The following HDAC8 variants were observed in gnomAD, a reference collection of about 807,000 sequenced individuals.
HDAC8 encodes histone deacetylase-like 1.
HDAC8 carries 1 observed loss-of-function variant against 32.2 expected under a neutral mutation model. The observed-to-expected ratio is 0.03, with a 90% CI of 0.01 to 0.15. The LOEUF is 0.15. Ranked by LOEUF, HDAC8 falls within the 10% of genes least tolerant of loss-of-function variation. The pLI, the probability that HDAC8 is intolerant of heterozygous loss-of-function variation, is 1.00. For synonymous variants in HDAC8, 108 were observed against 113.9 expected, an observed-to-expected ratio of 0.95 and a Z score of 0.33; for missense variants, 117 against 300.0, an observed-to-expected ratio of 0.39 and a Z score of 4.51.
At chrX:72,572,567 C>A in intron 1 of HDAC8, 84 bp downstream of exon 1, 1 of 657,164 alleles carries the variant, frequency 1.5e-6, no homozygotes, top group South Asian at 2.8e-5. Context: ...AGCCCAGTGT[C>A]CTCTCCGCTT....
intron 4 of HDAC8, among the ~76,000 whole-genome samples, chrX:72,515,006 C>A (rs2049741649): frequency 9.0e-6 from 1 of 111,719 alleles, no homozygotes; most frequent in Non-Finnish European, 1.9e-5. Flanking sequence ...CCACCACAAT[C>A]AAGCTAATTA....
chrX:72,500,190 C>T (rs1264518266), intron 4 of HDAC8, among the ~76,000 whole-genome samples: 1 of 111,750 alleles, frequency 8.9e-6, no homozygotes, highest in Non-Finnish European at 1.9e-5. Context: ...CAGCCAAATT[C>T]TACCAGATGT....
chrX:72,406,194 T>A (rs1487556920), intron 9 of HDAC8, among the ~76,000 whole-genome samples: 6 of 111,759 alleles, frequency 5.4e-5, no homozygotes, highest in African/African-American at 2.0e-4. Flanking sequence ...TGATTTTTCT[T>A]GGTGCTTGAG....
At chrX:72,499,136 C>T (rs1365297800) in intron 4 of HDAC8, among the ~76,000 whole-genome samples, 1 of 111,924 alleles carries the variant, frequency 8.9e-6, no homozygotes, top group Non-Finnish European at 1.9e-5. Context: ...CAGATACTGG[C>T]ACCATGCTTC....
chrX:72,461,953 G>T, intron 9 of HDAC8, 51 bp downstream of exon 9: 1 of 942,191 alleles, frequency 1.1e-6, no homozygotes, highest in South Asian at 2.0e-5. Context: ...TAGGTGGAAT[G>T]ACTCAGCTCT....
chrX:72,553,704 A>G (rs897790274), intron 4 of HDAC8, among the ~76,000 whole-genome samples: 1 of 111,831 alleles, frequency 8.9e-6, no homozygotes, highest in Non-Finnish European at 1.9e-5. Flanking sequence ...GGCCCCATGG[A>G]ACCCGCAGAT....
At chrX:72,370,830 C>T (rs1443826501) in intron 9 of HDAC8, among the ~76,000 whole-genome samples, 1 of 111,996 alleles carries the variant, frequency 8.9e-6, no homozygotes. Flanking sequence ...AGGCCAGTCT[C>T]TCCTTTCACA....
intron 9 of HDAC8, among the ~76,000 whole-genome samples, chrX:72,457,405 A>G (rs1191010405): frequency 8.9e-6 from 1 of 112,469 alleles, no homozygotes; most frequent in African/African-American, 3.2e-5. Context: ...AAGATTATAC[A>G]GAAAGAAAAT....
intron 4 of HDAC8, among the ~76,000 whole-genome samples, chrX:72,516,601 C>G (rs1556025262): frequency 9.0e-6 from 1 of 111,151 alleles, no homozygotes; most frequent in Non-Finnish European, 1.9e-5. Flanking sequence ...GCCATTTTCT[C>G]TGCTTTCAAA....
intron 2 of HDAC8, chrX:72,571,854 C>T (rs2052093150): frequency 2.7e-6 from 1 of 376,278 alleles, no homozygotes; most frequent in Non-Finnish European, 4.5e-6. Context: ...CAGGCGTGAG[C>T]CATGCTCTCG....
At chrX:72,557,043 C>T (rs2051307459) in intron 4 of HDAC8, among the ~76,000 whole-genome samples, 1 of 111,123 alleles carries the variant, frequency 9.0e-6, no homozygotes, top group Non-Finnish European at 1.9e-5. Context: ...GGTAAAACCC[C>T]GTCTCTACTA....
At chrX:72,541,457 C>T (rs952988400) in intron 4 of HDAC8, among the ~76,000 whole-genome samples, 3 of 112,264 alleles carry the variant, frequency 2.7e-5, no homozygotes, top group African/African-American at 6.5e-5. Context: ...GTAGGGACTT[C>T]GGCTTTTACT....
At chrX:72,568,660 C>A in intron 3 of HDAC8, 94 bp downstream of exon 3, 1 of 1,025,239 alleles carries the variant, frequency 9.8e-7, no homozygotes, top group Non-Finnish European at 1.4e-6. Flanking sequence ...ACAGTTAACA[C>A]ATGATTTCTT....
At chrX:72,406,011 A>G (rs538067794) in intron 9 of HDAC8, among the ~76,000 whole-genome samples, 3 of 111,874 alleles carry the variant, frequency 2.7e-5, no homozygotes, top group African/African-American at 6.5e-5. Context: ...TAATTTCTGT[A>G]TCTAAAGTCT....
At chrX:72,355,674 C>T (rs781850866) in intron 9 of HDAC8, among the ~76,000 whole-genome samples, 40 of 112,057 alleles carry the variant, frequency 3.6e-4, no homozygotes, top group South Asian at 7.6e-4. Flanking sequence ...CACCTCAATG[C>T]TCTTTTCTTG....
chrX:72,456,390 T>C (rs782707484), intron 9 of HDAC8, among the ~76,000 whole-genome samples: 2 of 111,766 alleles, frequency 1.8e-5, no homozygotes, highest in Non-Finnish European at 1.9e-5. Context: ...AATATATGAC[T>C]ACAATAGCAC....
chrX:72,451,594 T>C (rs781841763), intron 9 of HDAC8, among the ~76,000 whole-genome samples: 15 of 112,060 alleles, frequency 1.3e-4, no homozygotes, highest in Non-Finnish European at 2.8e-4. Context: ...AAGACTAATA[T>C]CCATCAGAAA....
intron 9 of HDAC8, among the ~76,000 whole-genome samples, chrX:72,354,279 T>G (rs1349906738): frequency 2.7e-5 from 3 of 112,307 alleles, no homozygotes; most frequent in African/African-American, 6.5e-5. Context: ...CAGATGTTAT[T>G]CCCAGGTCCT....
chrX:72,528,047 T>C (rs183539066), intron 4 of HDAC8, among the ~76,000 whole-genome samples: 43 of 110,680 alleles, frequency 3.9e-4, no homozygotes, highest in Non-Finnish European at 6.1e-4. Context: ...AAGTGCTTGG[T>C]TTACAGGCAT....
Sources: gnomAD v4.1 joint callset for allele counts (sites outside exome capture counted in the v4.1 genomes callset) on GRCh38, gnomAD v4.1.1 for gene constraint, MANE v1.5 for transcripts, NCBI Gene and HGNC (gene_info 2026-07-23, HGNC 2026-07-21) for gene names.